Variants in MPP7 observed in about 807,000 individuals in gnomAD.
The protein encoded by MPP7 is MAGUK p55 subfamily member 7.
MPP7 carries 60 observed loss-of-function variants against 76.5 expected under a neutral mutation model. That is an observed-to-expected ratio of 0.78 (90% confidence interval 0.64 to 0.97). The LOEUF is 0.97. MPP7 is among the 50% of genes least tolerant of loss of function. The pLI is 0.00. For missense variants in MPP7, 641 were observed against 694.0 expected, an observed-to-expected ratio of 0.92 and a Z score of 0.86; for synonymous variants, 237 against 244.5, an observed-to-expected ratio of 0.97 and a Z score of 0.29.
At chr10:28,311,093 C>T (rs61845945) in intron 2 of MPP7, among the ~76,000 whole-genome samples, 16,839 of 152,196 alleles carry the variant, frequency 0.11, 1,167 homozygotes, top group Middle Eastern at 0.19. Flanking sequence ...TGAACTAACT[C>T]ATTTGGAACT....
chr10:28,321,006 G>T (rs1027437686), intron 2 of MPP7, among the ~76,000 whole-genome samples: 1 of 152,090 alleles, frequency 6.6e-6, no homozygotes, highest in African/African-American at 2.4e-5. Flanking sequence ...CTCTGACAAT[G>T]CGCGGTGCTT....
At chr10:28,261,366 C>T (rs909489797) in intron 1 of MPP7, among the ~76,000 whole-genome samples, 1 of 152,148 alleles carries the variant, frequency 6.6e-6, no homozygotes, top group Non-Finnish European at 1.5e-5. Flanking sequence ...GCTCCACTGG[C>T]CAGTGCTTTT....
At chr10:28,233,612 G>A (rs931844513) in intron 2 of MPP7, among the ~76,000 whole-genome samples, 1 of 151,932 alleles carries the variant, frequency 6.6e-6, no homozygotes, top group Non-Finnish European at 1.5e-5. Flanking sequence ...CAGCTACTCA[G>A]GAGGCTGAGG....
chr10:28,161,759 A>G (rs1836272100), intron 3 of MPP7, among the ~76,000 whole-genome samples: 1 of 152,198 alleles, frequency 6.6e-6, no homozygotes, highest in Admixed American at 6.5e-5. Flanking sequence ...TTATTTCCCC[A>G]ACTTTTCACT....
intron 6 of MPP7, among the ~76,000 whole-genome samples, chr10:28,129,780 A>C (rs1038470036): frequency 1.3e-5 from 2 of 151,962 alleles, no homozygotes; most frequent in African/African-American, 4.8e-5. Context: ...CACCAAAAAA[A>C]CCCTCCTGAT....
rs957693508 is a variant in MPP7 at position 28,053,708 on chromosome 10, G to A, written c.*357C>T. On this transcript the variant is annotated 3_prime_UTR_variant, in exon 17 of 17. Transcript: ENST00000683449. Reference sequence around the variant, plus strand: ...CAACAGCTAACATTCAAACTCGACAGCAGCAGCCACACCTGAGACCAGCAG... The same window carrying A: ...CAACAGCTAACATTCAAACTCGACAACAGCAGCCACACCTGAGACCAGCAG... The A allele has an allele frequency of 2.0e-5, 4 of 200,754 alleles. No individual in the cohort carries two copies. The highest frequency in any genetic ancestry group is 3.9e-5 in the Non-Finnish European group (4 of 101,502). 12.4% of individuals were successfully genotyped at this position (200,754 alleles called of 1,614,324 possible). A position where few individuals can be genotyped will look rare whatever the true frequency, so the allele number is the denominator to read the frequency against.
chr10:28,110,621 T>C (rs1834476678), intron 11 of MPP7, among the ~76,000 whole-genome samples: 1 of 152,176 alleles, frequency 6.6e-6, no homozygotes, highest in Non-Finnish European at 1.5e-5. Context: ...GATAAAAACA[T>C]TTGTAAAGTA....
intron 2 of MPP7, among the ~76,000 whole-genome samples, chr10:28,324,003 T>C (rs1834389511): frequency 6.6e-6 from 1 of 152,178 alleles, no homozygotes; most frequent in African/African-American, 2.4e-5. Flanking sequence ...AGTGAGATGA[T>C]AATAGCTATA....
chr10:28,097,334 A>T (rs900947588), intron 11 of MPP7, among the ~76,000 whole-genome samples: 1 of 151,992 alleles, frequency 6.6e-6, no homozygotes. Flanking sequence ...TAATAATATC[A>T]AATAATAATA....
intron 10 of MPP7, 48 bp from the exon 11 acceptor site, chr10:28,119,763 G>T: frequency 1.4e-6 from 2 of 1,437,376 alleles, no homozygotes; most frequent in East Asian, 4.6e-5. Context: ...GCACAGGTCC[G>T]AGGTGAATAC....
intron 4 of MPP7, among the ~76,000 whole-genome samples, chr10:28,148,513 G>A (rs181140181): frequency 4.6e-4 from 70 of 151,854 alleles, no homozygotes; most frequent in African/African-American, 1.6e-3. Context: ...TCTTATCTCT[G>A]GAAAAGGAAT....
In MPP7 at chr10:28,262,208, C is replaced by CAT. The variant is rs56940942; in HGVS notation, c.-131-23475_-131-23474dup. On this transcript the variant is annotated intron_variant, in intron 1 of 16. Transcript: ENST00000683449. ...AATTATATATATATATATATATATA[C>CAT]ATATATATATATATATACATATATA... Among the ~76,000 whole-genome samples the CAT allele has an allele frequency of 5.5e-4, 33 of 60,074 alleles. 5 individuals are homozygous for CAT. The highest frequency in any genetic ancestry group is 1.4e-3 in the South Asian group (2 of 1,476). 39.4% of individuals were successfully genotyped at this position (60,074 alleles called of 152,430 possible).
chr10:28,252,709 A>G (rs1251210272), intron 1 of MPP7, among the ~76,000 whole-genome samples: 1 of 152,154 alleles, frequency 6.6e-6, no homozygotes, highest in Non-Finnish European at 1.5e-5. Context: ...GGCAAAATCA[A>G]CTCTTCATAG....
At chr10:28,140,497 T>C (rs567463286) in intron 5 of MPP7, among the ~76,000 whole-genome samples, 2 of 150,968 alleles carry the variant, frequency 1.3e-5, no homozygotes, top group Admixed American at 6.6e-5. Context: ...GGCGACAGAG[T>C]GAGACTTAGT....
chr10:28,098,289 T>C (rs942347460), intron 11 of MPP7, among the ~76,000 whole-genome samples: 5 of 151,782 alleles, frequency 3.3e-5, no homozygotes, highest in African/African-American at 7.2e-5. Flanking sequence ...CATAGTACCA[T>C]AGAAATGCAT....
chr10:28,303,414 G>T (rs1444461889), upstream of MPP7: 2 of 152,214 alleles, frequency 1.3e-5, no homozygotes, highest in African/African-American at 2.4e-5. Context: ...AGGTTCATTC[G>T]CCAGATGCGA....
In MPP7 at chr10:28,206,407, CTAAT is replaced by C. The variant is rs542020690; in HGVS notation, c.38-4140_38-4137del. On this transcript the variant is annotated intron_variant, in intron 2 of 16. Coordinates refer to ENST00000683449, the MANE Select transcript of MPP7 (RefSeq NM_001318170.2). ...TTTAATGTGACAATGAAATACATACCTAATTAATTATTAACATCTGTTTATGTCT... is the reference window on the plus strand; with the variant it reads ...TTTAATGTGACAATGAAATACATACCTAATTATTAACATCTGTTTATGTCT... Among the ~76,000 whole-genome samples, 416 of 152,106 alleles carry C rather than the reference CTAAT, an allele frequency of 2.7e-3. 1 individual carries two copies. The highest frequency in any genetic ancestry group is 5.1e-3 in the Admixed American group (78 of 15,288).
chr10:28,140,272 AG>A (rs1835472571), intron 5 of MPP7, among the ~76,000 whole-genome samples: 2 of 152,228 alleles, frequency 1.3e-5, no homozygotes, highest in South Asian at 4.1e-4. Context: ...ACACTTTGGT[AG>A]GCTGGGGCAG....
intron 15 of MPP7, among the ~76,000 whole-genome samples, chr10:28,058,183 G>C (rs1381644144): frequency 6.6e-6 from 1 of 152,202 alleles, no homozygotes; most frequent in Non-Finnish European, 1.5e-5. Flanking sequence ...ACAATGTGAT[G>C]TATTTTTTAA....
Sources: gnomAD v4.1 joint callset for allele counts (sites outside exome capture counted in the v4.1 genomes callset) on GRCh38, gnomAD v4.1.1 for gene constraint, MANE v1.5 for transcripts, NCBI Gene and HGNC (gene_info 2026-07-23, HGNC 2026-07-21) for gene names.